LMAN2: variants seen among roughly 807,000 people sequenced by gnomAD.
LMAN2 encodes vesicular integral-membrane protein VIP36.
A neutral mutation model predicts 39.3 loss-of-function variants in LMAN2; 22 were observed. The observed-to-expected ratio is 0.56, with a 90% CI of 0.40 to 0.80. The LOEUF (loss-of-function observed/expected upper bound fraction) is 0.80. LMAN2 is among the 30% of genes least tolerant of loss of function. The probability of loss-of-function intolerance (pLI) is 0.00; values close to 1 mark genes in which losing one functional copy is unlikely to be tolerated. For missense variants in LMAN2, 494 were observed against 505.4 expected (o/e 0.98, Z 0.22); for synonymous variants, 207 against 207.8 (o/e 1.00, Z 0.03).
At chr5:177,334,259 G>A (rs1055319365) in intron 7 of LMAN2, 25 bp downstream of exon 7, 3 of 1,600,158 alleles carry the variant, frequency 1.9e-6, no homozygotes, top group Non-Finnish European at 1.7e-6. Flanking sequence ...CCAGGCCCAG[G>A]CAGGGCGGGG....
chr5:177,347,466 T>C (rs1056862884), intron 2 of LMAN2, among the ~76,000 whole-genome samples: 5 of 152,072 alleles, frequency 3.3e-5, no homozygotes, highest in Non-Finnish European at 5.9e-5. Context: ...ATACAGACAA[T>C]AGAAGGCCTC....
intron 2 of LMAN2, among the ~76,000 whole-genome samples, chr5:177,345,847 T>A (rs1399295650): frequency 1.3e-5 from 2 of 152,058 alleles, no homozygotes; most frequent in East Asian, 3.8e-4. Flanking sequence ...AGCTCTCTGC[T>A]ACTTCTGCCT....
At position 177,337,447 on chromosome 5, in the gene LMAN2, G is replaced by C; in HGVS notation, c.591C>G (p.Thr197=). 1 of 1,613,826 alleles carries C rather than the reference G, an allele frequency of 6.2e-7. No homozygotes were observed. The highest frequency in any genetic ancestry group is 8.5e-7 in the Non-Finnish European group (1 of 1,180,002). Residue 197 remains threonine, a synonymous_variant, in exon 5 of 8, where the codon ACC becomes ACG. Transcript: ENST00000303127. The surrounding 1 kb of genome is among the most constrained non-coding windows in gnomAD (Gnocchi z 8.2). ...AGTCAGCCGTGCAGCCCGCCAGCTC[G>C]GTCCAGCGCCCATCCTTGCTGTGGT... The part of the protein sequence containing the change: ...SYDHSKDGRW[T]ELAGCTADFR...
chr5:177,344,778 C>T (rs1159760406), intron 2 of LMAN2, among the ~76,000 whole-genome samples: 2 of 151,440 alleles, frequency 1.3e-5, no homozygotes, highest in Non-Finnish European at 2.9e-5. Flanking sequence ...CGGTGGCGGG[C>T]GCCTGTAGTC....
At position 177,338,597 on chromosome 5, in the gene LMAN2, G is replaced by T; in HGVS notation, c.324C>A (p.Phe108Leu). ...GGACGTGCATTTCCCAGTCTTTGAG[G>T]AAGCACGGCTGGAGGGAGAGCAGAA... ...EGSIWNHQPC[F>L]LKDWEMHVHF... The change falls in exon 3 of 8, where the codon TTC becomes TTA. Residue 108 changes from phenylalanine to leucine, a missense_variant. Coordinates refer to ENST00000303127, the MANE Select transcript of LMAN2 (RefSeq NM_006816.3). 6.2e-7 allele frequency: 1 copy of T among 1,614,182 alleles called. No homozygotes were observed. The highest frequency in any genetic ancestry group is 8.5e-7 in the Non-Finnish European group (1 of 1,179,994).
At chr5:177,334,513 C>G in intron 6 of LMAN2, 110 bp from the exon 7 acceptor site, 1 of 1,451,920 alleles carries the variant, frequency 6.9e-7, no homozygotes, top group South Asian at 1.4e-5. Flanking sequence ...ACCTGCCAGG[C>G]CCCTGGGGAG....
In LMAN2 at chr5:177,333,000, G is replaced by A. The variant is rs190496144; in HGVS notation, c.911-754C>T. Among the ~76,000 whole-genome samples the A allele has an allele frequency of 5.3e-5, 8 of 152,302 alleles. No homozygotes were observed. The highest frequency in any genetic ancestry group is 9.6e-5 in the African/African-American group (4 of 41,564). ...TCGGGCCCAGGCCCTGCCTTTCAGC[G>A]ACGTGCATGCCACCCTCTTGCCAGC... On this transcript the variant is annotated intron_variant, in intron 7 of 7. Transcript: ENST00000303127. This position sits in a 1 kb window ranked among gnomAD's most constrained non-coding sequence, Gnocchi z 6.3.
chr5:177,343,056 G>A (rs1204084379), intron 2 of LMAN2, among the ~76,000 whole-genome samples: 4 of 151,992 alleles, frequency 2.6e-5, no homozygotes, highest in Non-Finnish European at 4.4e-5. Context: ...GATGGAGACC[G>A]TCCTGGCTAA....
intron 6 of LMAN2, among the ~76,000 whole-genome samples, chr5:177,336,384 G>A (rs1761470739): frequency 6.6e-6 from 1 of 152,190 alleles, no homozygotes; most frequent in Admixed American, 6.5e-5. Flanking sequence ...CAGAGCAGCA[G>A]GAGGCCTCAC....
chr5:177,334,313 G>A lies in LMAN2; in HGVS notation c.881C>T (p.Pro294Leu). Residue 294 changes from proline to leucine, a missense_variant, in exon 7 of 8, where the codon CCC (proline) becomes CTC (leucine). Pro to Leu is a moderately conservative substitution (Grantham distance 98). Transcript: ENST00000303127. ...EESIDWTKIE[P>L]SVNFLKSPKD... is the part of the protein sequence containing the mutation. ...GGGCGACTTGAGGAAGTTGACGCTG[G>A]GCTCGATCTTGGTCCAGTCGATGCT... The A allele has an allele frequency of 1.2e-6, 2 of 1,612,658 alleles. No individual in the cohort carries two copies. The highest frequency in any genetic ancestry group is 1.7e-6 in the Non-Finnish European group (2 of 1,179,928).
rs768748807 is a variant in LMAN2, at chr5:177,334,292, G to A, written c.902C>T (p.Ser301Leu). The change falls in exon 7 of 8, where the codon TCG (serine) becomes TTG (leucine). Residue 301 changes from serine to leucine, a missense_variant. Ser to Leu is a moderately radical substitution (Grantham distance 145, BLOSUM62 -2). Transcript: ENST00000303127. Reference protein sequence around the residue: ...KIEPSVNFLKSPKDNVDDPTG... With the variant: ...KIEPSVNFLKLPKDNVDDPTG... ...GGGCTGTGCACACGCACCTTTGGGCGACTTGAGGAAGTTGACGCTGGGCTC... is the reference window on the plus strand; with the variant it reads ...GGGCTGTGCACACGCACCTTTGGGCAACTTGAGGAAGTTGACGCTGGGCTC... The A allele has an allele frequency of 5.0e-6, 8 of 1,611,820 alleles. No individual in the cohort carries two copies. Among genetic ancestry groups the A allele is most frequent in the East Asian group, 2.2e-5 (1 of 44,888 alleles).
At chr5:177,338,441 G>A in intron 3 of LMAN2, 47 bp downstream of exon 3, 1 of 1,505,584 alleles carries the variant, frequency 6.6e-7, no homozygotes, top group South Asian at 1.1e-5. Context: ...CAGCAGCCAT[G>A]CCCGTGCCCA....
At chr5:177,339,143 G>A (rs1357914670) in intron 2 of LMAN2, among the ~76,000 whole-genome samples, 1 of 152,212 alleles carries the variant, frequency 6.6e-6, no homozygotes. Flanking sequence ...CACATGCAGG[G>A]TTTTCTGACT....
At position 177,332,173 on chromosome 5, in the gene LMAN2, C is replaced by T. The variant is rs774415092; in HGVS notation, c.984G>A (p.Leu328=). The change falls in exon 8 of 8, where the codon CTG becomes CTA. Residue 328 remains leucine, a synonymous_variant. Coordinates refer to ENST00000303127, the MANE Select transcript of LMAN2 (RefSeq NM_006816.3). This position sits in a 1 kb window ranked among gnomAD's most constrained non-coding sequence, Gnocchi z 6.3. ...LTGWRVFLLL[L]CALLGIVVCA... Reference sequence around the variant, plus strand: ...AGACAACGATGCCCAGGAGAGCGCACAGCAGCAGCAGGAACACCCGCCACC... The same window carrying T: ...AGACAACGATGCCCAGGAGAGCGCATAGCAGCAGCAGGAACACCCGCCACC... The T allele has an allele frequency of 6.2e-7, 1 of 1,613,384 alleles. No homozygotes were observed. Among genetic ancestry groups the T allele is most frequent in the Non-Finnish European group, 8.5e-7 (1 of 1,179,770 alleles).
chr5:177,343,936 G>A (rs1309679393), intron 2 of LMAN2, among the ~76,000 whole-genome samples: 7 of 152,020 alleles, frequency 4.6e-5, no homozygotes, highest in Non-Finnish European at 8.8e-5. Flanking sequence ...TGGGCCAGGC[G>A]CAGTAGCTCA....
intron 6 of LMAN2, among the ~76,000 whole-genome samples, chr5:177,336,578 G>A (rs1350631736): frequency 6.6e-6 from 1 of 152,170 alleles, no homozygotes; most frequent in African/African-American, 2.4e-5. Flanking sequence ...AAAGCCACAG[G>A]GACTGTTGAT....
intron 6 of LMAN2, among the ~76,000 whole-genome samples, chr5:177,336,223 T>C (rs1761466425): frequency 2.0e-5 from 3 of 151,972 alleles, no homozygotes. Flanking sequence ...AGCAAGGCCC[T>C]AGGAGACAAG....
In LMAN2 at chr5:177,332,360, G is replaced by A. The variant is rs536926304; in HGVS notation, c.911-114C>T. On this transcript the variant is annotated intron_variant, in intron 7 of 7. Coordinates refer to ENST00000303127, the MANE Select transcript of LMAN2 (RefSeq NM_006816.3). The surrounding 1 kb of genome is among the most constrained non-coding windows in gnomAD (Gnocchi z 6.3). ...GCCGGCCACGGTGGGCAGGCCGGTC[G>A]TACTCACCCCCCTCACCGGGGAGGG... The A allele has an allele frequency of 6.1e-5, 58 of 954,794 alleles. No individual in the cohort carries two copies. Among genetic ancestry groups the A allele is most frequent in the Non-Finnish European group, 7.7e-5 (49 of 638,600 alleles). The allele number at this position is 954,794 out of a possible 1,614,324, so 59.1% of individuals were successfully genotyped here.
In LMAN2 at chr5:177,338,556, C is replaced by T; in HGVS notation, c.365G>A (p.Gly122Asp). Reference sequence around the variant, plus strand: ...TCCATGGAGGTTCTTCTTCCCTGTGCCGTGGACTTTGAAGTGGACGTGCAT... The same window carrying T: ...TCCATGGAGGTTCTTCTTCCCTGTGTCGTGGACTTTGAAGTGGACGTGCAT... ...WEMHVHFKVH[G>D]TGKKNLHGDG... Residue 122 changes from glycine (G) to aspartate (D), a missense_variant, in exon 3 of 8, where the codon GGC (glycine) becomes GAC (aspartate). Coordinates refer to ENST00000303127, the MANE Select transcript of LMAN2 (RefSeq NM_006816.3). 3 of 1,614,230 alleles carry T rather than the reference C, an allele frequency of 1.9e-6. No homozygotes were observed. Among genetic ancestry groups the T allele is most frequent in the Non-Finnish European group, 2.5e-6 (3 of 1,180,036 alleles).
Sources: allele counts gnomAD v4.1 joint callset (sites outside exome capture counted in the v4.1 genomes callset), GRCh38; gene constraint gnomAD v4.1.1; non-coding constraint Gnocchi (gnomAD v3.1); transcripts MANE v1.5; gene names NCBI Gene and HGNC (gene_info 2026-07-23, HGNC 2026-07-21).